SFI1: variants seen among roughly 807,000 people sequenced by gnomAD.
SFI1 encodes the protein SFI1 centrin binding protein.
Under a neutral mutation model 207.5 loss-of-function variants are expected in SFI1, and 195 were observed. The ratio of observed to expected loss-of-function variants is 0.94; its 90% CI spans 0.84 to 1.06. The LOEUF (loss-of-function observed/expected upper bound fraction) is 1.06. SFI1 is among the 50% of genes least tolerant of loss of function. SFI1 has a pLI of 0.00. For synonymous variants in SFI1, 630 were observed against 598.9 expected, an observed-to-expected ratio of 1.05 and a Z score of -0.76; for missense variants, 1,634 against 1,588.0, an observed-to-expected ratio of 1.03 and a Z score of -0.49.
chr22:31,596,220 T>C (rs2067086533), intron 15 of SFI1, among the ~76,000 whole-genome samples: 1 of 152,244 alleles, frequency 6.6e-6, no homozygotes, highest in African/African-American at 2.4e-5. Flanking sequence ...GCCACTGCAC[T>C]CCAGCCTTGG....
intron 4 of SFI1, among the ~76,000 whole-genome samples, chr22:31,540,650 G>T (rs1421049935): frequency 4.0e-5 from 6 of 151,062 alleles, no homozygotes; most frequent in African/African-American, 9.7e-5. Context: ...GCATGATCTC[G>T]GCTCACTGCA....
At position 31,575,258 on chromosome 22, in the gene SFI1, C is replaced by G. The variant is rs2063364258; in HGVS notation, c.950C>G (p.Thr317Ser). The change falls in exon 10 of 33, where the codon ACT becomes AGT. Residue 317 changes from threonine (T) to serine (S), a missense_variant. By Grantham distance (58) the Thr-to-Ser change is moderately conservative. Coordinates refer to ENST00000400288, the MANE Select transcript of SFI1 (RefSeq NM_001007467.3). ...ATGGCTGAGCGATTCCATCATGTCA[C>G]TGTGCTCCAGATATACTTCTGTGAC... ...NEMAERFHHV[T>S]VLQIYFCDWQ... 3 of 1,611,706 alleles carry G rather than the reference C, an allele frequency of 1.9e-6. No homozygotes were observed. The highest frequency in any genetic ancestry group is 2.5e-6 in the Non-Finnish European group (3 of 1,178,978).
chr22:31,498,303 A>T (rs545390259), intron 1 of SFI1, among the ~76,000 whole-genome samples: 38 of 150,732 alleles, frequency 2.5e-4, no homozygotes, highest in Admixed American at 8.0e-4. Context: ...ATATCAAAAA[A>T]ATATATATAT....
chr22:31,515,733 C>CTT (rs71818558), intron 2 of SFI1, among the ~76,000 whole-genome samples: 90 of 140,468 alleles, frequency 6.4e-4, no homozygotes, highest in South Asian at 1.8e-3. Context: ...GGCTTAGTAC[C>CTT]TTTTTTTTTT....
chr22:31,615,136 G>A lies in SFI1; in HGVS notation c.3157G>A (p.Ala1053Thr), dbSNP rs763882536. 16 of 1,608,986 alleles carry A rather than the reference G, an allele frequency of 9.9e-6. No homozygotes were observed. The African/African-American group carries it at 1.7e-4, about 17-fold the overall frequency. ...GCCCTTCCTGGCAGAGGCCCCGACA[G>A]CACTGGTCCCACACAGCCCCCTGCC... is the stretch of plus-strand genomic sequence containing the variant. ...TRPFLAEAPT[A>T]LVPHSPLPGA... Residue 1053 changes from alanine (A) to threonine (T), a missense_variant, in exon 29 of 33, where the codon GCA becomes ACA. Physicochemically the swap from Ala to Thr is moderately conservative, Grantham distance 58. Coordinates refer to ENST00000400288, the MANE Select transcript of SFI1 (RefSeq NM_001007467.3).
At chr22:31,523,723 T>G (rs545373554) in intron 2 of SFI1, among the ~76,000 whole-genome samples, 1 of 152,234 alleles carries the variant, frequency 6.6e-6, no homozygotes, top group East Asian at 1.9e-4. Flanking sequence ...CCAAACAATA[T>G]TATCTCCATC....
Position 31,528,597 on chromosome 22 carries a change from A to T in SFI1, c.93-93A>T, listed in dbSNP as rs2058161637. On this transcript the variant is annotated intron_variant, in intron 2 of 32. Transcript: ENST00000400288. The stretch of plus-strand genomic sequence containing the variant: ...AGGTATTGTCAGTCTCAATGAGCTT[A>T]TCTGTTTAATTTTGCTTGTATATTA... 5.3e-6 allele frequency: 6 copies of T among 1,125,970 alleles called. No individual in the cohort carries two copies. The East Asian group carries it at 1.4e-4, about 27-fold the overall frequency. 69.7% of individuals were successfully genotyped at this position (1,125,970 alleles called of 1,614,324 possible).
intron 1 of SFI1, among the ~76,000 whole-genome samples, chr22:31,502,141 C>CA (rs1181631073): frequency 6.6e-6 from 1 of 152,106 alleles, no homozygotes; most frequent in African/African-American, 2.4e-5. Flanking sequence ...ACATTTATTT[C>CA]AGTGTTTAAT....
intron 4 of SFI1, among the ~76,000 whole-genome samples, chr22:31,544,707 A>C (rs2059910659): frequency 6.6e-6 from 1 of 152,110 alleles, no homozygotes; most frequent in Non-Finnish European, 1.5e-5. Context: ...GTGAGCCATG[A>C]CTGTACCACT....
chr22:31,518,927 C>A (rs968525631), intron 2 of SFI1, among the ~76,000 whole-genome samples: 2 of 150,982 alleles, frequency 1.3e-5, no homozygotes, highest in Non-Finnish European at 2.9e-5. Context: ...AATTCATTGC[C>A]GGAGGAATTA....
chr22:31,500,774 G>A (rs372294359), intron 1 of SFI1, among the ~76,000 whole-genome samples: 2 of 150,630 alleles, frequency 1.3e-5, no homozygotes, highest in East Asian at 3.9e-4. Context: ...TGGTGTTTTT[G>A]TGTGTGTGTG....
chr22:31,603,855 C>T (rs1226830939), intron 18 of SFI1, 36 bp downstream of exon 18: 1 of 1,563,914 alleles, frequency 6.4e-7, no homozygotes, highest in East Asian at 2.4e-5. Context: ...CCGTGTATGA[C>T]TTTTGGACAG....
At position 31,501,577 on chromosome 22, in the gene SFI1, C is replaced by T. The variant is rs979320075; in HGVS notation, c.-31+4940C>T. Among the ~76,000 whole-genome samples the T allele has an allele frequency of 2.0e-5, 3 of 152,150 alleles. No homozygotes were observed. The South Asian group carries it at 6.2e-4, about 31-fold the overall frequency. ...ATCTCTGAGGTCTGCCTGTACTAGTCCCAGTTCCGCCACTTGTTAGCTGGG... is the reference window on the plus strand; with the variant it reads ...ATCTCTGAGGTCTGCCTGTACTAGTTCCAGTTCCGCCACTTGTTAGCTGGG... On this transcript the variant is annotated intron_variant, in intron 1 of 32. Coordinates refer to ENST00000400288, the MANE Select transcript of SFI1 (RefSeq NM_001007467.3).
intron 29 of SFI1, 70 bp from the exon 30 acceptor site, chr22:31,616,675 G>T: frequency 6.7e-7 from 1 of 1,484,324 alleles, no homozygotes; most frequent in Non-Finnish European, 9.0e-7. Context: ...CAGTGACAAG[G>T]ACTTGGTGTC....
Position 31,527,829 on chromosome 22 carries a change from A to T in SFI1, c.93-861A>T, listed in dbSNP as rs2058079006. Among the ~76,000 whole-genome samples, 5 of 151,770 alleles carry T rather than the reference A, an allele frequency of 3.3e-5. No homozygotes were observed. The South Asian group carries it at 1.0e-3, about 32-fold the overall frequency. ...GTCTCTAAAAAAATAAAAATAAAAA[A>T]TTGGCCGGGAACAGTGGCTCAAGCC... On this transcript the variant is annotated intron_variant, in intron 2 of 32. Transcript: ENST00000400288.
chr22:31,614,989 C>G, intron 28 of SFI1, 59 bp from the exon 29 acceptor site: 1 of 1,585,056 alleles, frequency 6.3e-7, no homozygotes, highest in Non-Finnish European at 8.6e-7. Context: ...CCTTCTTGTT[C>G]TTTGGTCCCA....
intron 8 of SFI1, among the ~76,000 whole-genome samples, chr22:31,568,510 C>T (rs1430078398): frequency 1.2e-4 from 14 of 114,036 alleles, no homozygotes; most frequent in Middle Eastern, 8.2e-3. Flanking sequence ...TCAGCCTGGG[C>T]GACAGGGTGA....
At chr22:31,576,027 CTT>C (rs543573453) in intron 10 of SFI1, among the ~76,000 whole-genome samples, 20 of 142,076 alleles carry the variant, frequency 1.4e-4, no homozygotes, top group Admixed American at 1.4e-4. Context: ...TGTACATATT[CTT>C]TTTTTTTTTT....
At chr22:31,504,879 T>C (rs1238173564) in intron 1 of SFI1, among the ~76,000 whole-genome samples, 1 of 152,204 alleles carries the variant, frequency 6.6e-6, no homozygotes, top group Non-Finnish European at 1.5e-5. Flanking sequence ...TGTTGGATTA[T>C]GGGCCCACCC....
Sources: gnomAD v4.1 joint callset for allele counts (sites outside exome capture counted in the v4.1 genomes callset) on GRCh38, gnomAD v4.1.1 for gene constraint, MANE v1.5 for transcripts, NCBI Gene and HGNC (gene_info 2026-07-23, HGNC 2026-07-21) for gene names.